Variants in SNTG1 observed in about 807,000 individuals in gnomAD.
SNTG1 encodes the protein gamma-1-syntrophin.
SNTG1 carries 39 observed loss-of-function variants against 74.7 expected under a neutral mutation model. The observed-to-expected ratio is 0.52, with a 90% CI of 0.40 to 0.68. The LOEUF is 0.68. SNTG1 is among the 30% of genes least tolerant of loss of function. The probability of loss-of-function intolerance (pLI) is 0.00; values close to 1 mark genes in which losing one functional copy is unlikely to be tolerated. For missense variants in SNTG1, 685 were observed against 609.5 expected (o/e 1.12, Z -1.30); for synonymous variants, 254 against 217.1 (o/e 1.17, Z -1.49).
intron 1 of SNTG1, among the ~76,000 whole-genome samples, chr8:50,088,253 T>C (rs1187461372): frequency 9.3e-5 from 14 of 150,520 alleles, no homozygotes; most frequent in Admixed American, 6.0e-4. Context: ...TGGGACGTAT[T>C]TCAAAATAAT....
chr8:50,507,448 T>G (rs888808365), intron 9 of SNTG1, among the ~76,000 whole-genome samples: 1 of 152,116 alleles, frequency 6.6e-6, no homozygotes, highest in African/African-American at 2.4e-5. Flanking sequence ...TAAAACCATC[T>G]GGTCATGGGC....
intron 1 of SNTG1, among the ~76,000 whole-genome samples, chr8:49,961,541 T>C (rs1418281312): frequency 6.6e-6 from 1 of 152,252 alleles, no homozygotes; most frequent in Non-Finnish European, 1.5e-5. Flanking sequence ...TGAAGGTCTG[T>C]GTTTGCAATG....
intron 11 of SNTG1, among the ~76,000 whole-genome samples, chr8:50,537,892 C>A (rs2094319088): frequency 1.3e-5 from 2 of 152,118 alleles, no homozygotes; most frequent in Non-Finnish European, 2.9e-5. Flanking sequence ...AGGTGGCAGG[C>A]TAGATTTGTC....
At chr8:50,581,774 C>G (rs77537074) in intron 12 of SNTG1, among the ~76,000 whole-genome samples, 6,952 of 152,250 alleles carry the variant, frequency 0.046, 278 homozygotes, top group African/African-American at 0.1. Context: ...TTTGGTTTCA[C>G]AGACTCAAGC....
rs2094311435 is a variant in SNTG1 at position 50,536,827 on chromosome 8, G to C, written c.680+19G>C. 6.2e-7 allele frequency: 1 copy of C among 1,611,670 alleles called. No individual in the cohort carries two copies. The highest frequency in any genetic ancestry group is 8.5e-7 in the Non-Finnish European group (1 of 1,178,980). On this transcript the variant is annotated intron_variant, in intron 11 of 18. Coordinates refer to ENST00000642720, the MANE Select transcript of SNTG1 (RefSeq NM_018967.5). The stretch of plus-strand genomic sequence containing the variant: ...TGAGTCGGTGAGTCCGTGTTTAGGA[G>C]TTATGACTGTTTTGTTTATGAAAAA...
chr8:50,115,447 T>C (rs1456473358), intron 1 of SNTG1, among the ~76,000 whole-genome samples: 1 of 151,492 alleles, frequency 6.6e-6, no homozygotes, highest in Admixed American at 6.6e-5. Context: ...GTGCCTGTAA[T>C]CTCAGCTACT....
At chr8:50,000,467 T>C (rs1814641586) in intron 1 of SNTG1, among the ~76,000 whole-genome samples, 1 of 152,146 alleles carries the variant, frequency 6.6e-6, no homozygotes, top group South Asian at 2.1e-4. Context: ...TTTAGTTATG[T>C]TTTTCTCCTT....
chr8:50,268,427 C>T (rs1333116581), intron 2 of SNTG1, among the ~76,000 whole-genome samples: 1 of 151,912 alleles, frequency 6.6e-6, no homozygotes, highest in African/African-American at 2.4e-5. Flanking sequence ...TTTAAATAGA[C>T]ATAAAATAAA....
chr8:50,574,181 C>A (rs2094564360), intron 12 of SNTG1, among the ~76,000 whole-genome samples: 2 of 151,992 alleles, frequency 1.3e-5, no homozygotes, highest in African/African-American at 2.4e-5. Flanking sequence ...AAAAAGACTG[C>A]AGCCTCAGGC....
intron 17 of SNTG1, among the ~76,000 whole-genome samples, chr8:50,739,174 G>A (rs919050637): frequency 6.6e-6 from 1 of 151,834 alleles, no homozygotes; most frequent in African/African-American, 2.4e-5. Flanking sequence ...TCTCAAAAAG[G>A]GCTAATATCC....
intron 2 of SNTG1, among the ~76,000 whole-genome samples, chr8:50,247,787 G>C (rs1431703327): frequency 6.6e-6 from 1 of 151,998 alleles, no homozygotes; most frequent in Non-Finnish European, 1.5e-5. Context: ...GCTTCCCAAA[G>C]TGTTGGAATT....
chr8:49,929,573 G>C (rs1371117265), intron 1 of SNTG1, among the ~76,000 whole-genome samples: 1 of 152,190 alleles, frequency 6.6e-6, no homozygotes, highest in Non-Finnish European at 1.5e-5. Context: ...ACGCACCTGG[G>C]GGGCTGCCCC....
intron 15 of SNTG1, among the ~76,000 whole-genome samples, chr8:50,692,429 G>A (rs897416640): frequency 2.0e-5 from 3 of 152,072 alleles, no homozygotes; most frequent in African/African-American, 2.4e-5. Context: ...TGGGTTTTTG[G>A]TGTGGATGTC....
chr8:50,406,925 T>A (rs958606568), intron 4 of SNTG1, among the ~76,000 whole-genome samples: 1 of 152,136 alleles, frequency 6.6e-6, no homozygotes, highest in African/African-American at 2.4e-5. Flanking sequence ...GGAAAGCCAA[T>A]CTACAACAGA....
intron 1 of SNTG1, among the ~76,000 whole-genome samples, chr8:50,109,730 A>T (rs1218153438): frequency 1.3e-5 from 2 of 152,140 alleles, no homozygotes; most frequent in African/African-American, 4.8e-5. Flanking sequence ...CAATTCAAAG[A>T]TATCAGTGAG....
chr8:50,217,079 C>G (rs1263084213), intron 2 of SNTG1, among the ~76,000 whole-genome samples: 1 of 151,446 alleles, frequency 6.6e-6, no homozygotes, highest in Non-Finnish European at 1.5e-5. Context: ...ACAAATGAAA[C>G]AAATGGGCTG....
intron 18 of SNTG1, among the ~76,000 whole-genome samples, chr8:50,766,480 C>G (rs77128316): frequency 0.031 from 4,731 of 151,946 alleles, 104 homozygotes; most frequent in Middle Eastern, 0.085. Context: ...AAGCTTTCAT[C>G]AGAACGTATT....
At chr8:50,055,913 C>T (rs576613195) in intron 1 of SNTG1, among the ~76,000 whole-genome samples, 96 of 152,086 alleles carry the variant, frequency 6.3e-4, no homozygotes, top group Admixed American at 1.2e-3. Flanking sequence ...ATATATGTTG[C>T]TGTCTTTTTA....
chr8:50,422,348 T>C (rs2093102273), intron 4 of SNTG1, among the ~76,000 whole-genome samples: 1 of 142,368 alleles, frequency 7.0e-6, no homozygotes, highest in South Asian at 2.3e-4. Flanking sequence ...ATAGAAGGAC[T>C]CAGAAACATT....
Sources: allele counts gnomAD v4.1 joint callset (sites outside exome capture counted in the v4.1 genomes callset), GRCh38; gene constraint gnomAD v4.1.1; transcripts MANE v1.5; gene names NCBI Gene and HGNC (gene_info 2026-07-23, HGNC 2026-07-21).